DEK: variants seen among roughly 807,000 people sequenced by gnomAD.
DEK encodes the protein DEK proto-oncogene, also known as protein DEK.
A neutral mutation model predicts 46.8 loss-of-function variants in DEK; 28 were observed. The observed-to-expected ratio is 0.60, with a 90% CI of 0.44 to 0.82. The LOEUF (loss-of-function observed/expected upper bound fraction) is 0.82, where lower values mean the gene tolerates loss of function less well. DEK is among the 40% of genes least tolerant of loss of function. The pLI is 0.00. For missense variants in DEK, 416 were observed against 430.6 expected (o/e 0.97, Z 0.30); for synonymous variants, 160 against 144.5 (o/e 1.11, Z -0.77).
Position 18,225,719 on chromosome 6 carries a change from T to C in DEK, c.1128A>G (p.Ter376TrpextTer7). 1 of 1,613,378 alleles carries C rather than the reference T, an allele frequency of 6.2e-7. No individual in the cohort carries two copies. The change falls in exon 11 of 11, where the codon TGA (stop) becomes TGG (tryptophan). Residue 376 changes from the stop codon to tryptophan, a stop_lost. Transcript: ENST00000652689. ...IKTTVKELIS[*>W] The stretch of plus-strand genomic sequence containing the variant: ...CGAGTCATCTTCTCTGTCCTCTATC[T>C]CAAGAAATTAGCTGTAATGAAAGAG...
intron 2 of DEK, among the ~76,000 whole-genome samples, 199 bp from the exon 3 acceptor site, chr6:18,258,604 C>A (rs1036568906): frequency 6.6e-6 from 1 of 151,760 alleles, no homozygotes; most frequent in African/African-American, 2.4e-5. Context: ...TTCAGAGTAA[C>A]ATTTTACTCA....
chr6:18,237,061 A>T (rs187846254), intron 8 of DEK: 1 of 219,642 alleles, frequency 4.6e-6, no homozygotes, highest in East Asian at 1.2e-4. Context: ...CACTGCAATA[A>T]ATAATTTATT....
chr6:18,229,478 G>GA (rs887902902), intron 9 of DEK, among the ~76,000 whole-genome samples: 19 of 152,204 alleles, frequency 1.2e-4, no homozygotes, highest in African/African-American at 4.3e-4. Context: ...TAAAAACCTT[G>GA]AAAAAAGATG....
chr6:18,228,519 GGTGGGTACAGGACA>G (rs1294841047), intron 9 of DEK, among the ~76,000 whole-genome samples: 1 of 151,966 alleles, frequency 6.6e-6, no homozygotes, highest in Non-Finnish European at 1.5e-5. Context: ...CTTGTCGGAC[GGTGGGTACAGGACA>G]GTGGGTGCAG....
At chr6:18,246,238 AAAAG>A (rs1199967938) in intron 7 of DEK, among the ~76,000 whole-genome samples, 1 of 152,224 alleles carries the variant, frequency 6.6e-6, no homozygotes, top group Admixed American at 6.5e-5. Context: ...TCAAAAGAAA[AAAAG>A]AAAATCATCC....
At chr6:18,235,399 G>T (rs113338869) in intron 9 of DEK, among the ~76,000 whole-genome samples, 2,481 of 152,148 alleles carry the variant, frequency 0.016, 30 homozygotes, top group Middle Eastern at 0.041. Flanking sequence ...ATGTGTTATT[G>T]TTCCTCAACT....
intron 8 of DEK, chr6:18,237,002 G>A: frequency 5.3e-6 from 1 of 190,332 alleles, no homozygotes. Flanking sequence ...CAAGATAGGA[G>A]ACTCGCTTGA....
intron 9 of DEK, 93 bp from the exon 10 acceptor site, chr6:18,226,335 C>T (rs535678905): frequency 5.7e-6 from 6 of 1,057,482 alleles, no homozygotes; most frequent in African/African-American, 3.4e-5. Context: ...CTGCTACGTG[C>T]AAATAGCCAC....
chr6:18,261,002 A>G (rs1428032121), intron 2 of DEK, among the ~76,000 whole-genome samples: 1 of 150,370 alleles, frequency 6.7e-6, no homozygotes, highest in African/African-American at 2.4e-5. Context: ...AAAAAAAAAA[A>G]AGAAAGAAAA....
chr6:18,226,121 ATTAC>A (rs1451362572), intron 10 of DEK, 49 bp downstream of exon 10: 4 of 1,195,012 alleles, frequency 3.3e-6, no homozygotes, highest in Admixed American at 3.8e-5. Flanking sequence ...ATTTTATGTA[ATTAC>A]TTTTGTCTTA....
At chr6:18,261,559 G>A (rs1387150153) in intron 2 of DEK, among the ~76,000 whole-genome samples, 1 of 152,018 alleles carries the variant, frequency 6.6e-6, no homozygotes, top group Non-Finnish European at 1.5e-5. Context: ...CAACGAGAGC[G>A]AAACTCCGTT....
intron 9 of DEK, among the ~76,000 whole-genome samples, chr6:18,229,745 C>T (rs1790322760): frequency 6.6e-6 from 1 of 152,144 alleles, no homozygotes; most frequent in African/African-American, 2.4e-5. Flanking sequence ...ACCAAATCTA[C>T]ATCTGATTGG....
At chr6:18,233,032 G>A (rs566763252) in intron 9 of DEK, among the ~76,000 whole-genome samples, 3 of 151,902 alleles carry the variant, frequency 2.0e-5, no homozygotes, top group Admixed American at 2.0e-4. Context: ...CAGAGCCCTC[G>A]GAAATAATAC....
intron 7 of DEK, among the ~76,000 whole-genome samples, chr6:18,247,624 C>T (rs111671289): frequency 4.6e-5 from 7 of 151,988 alleles, no homozygotes; most frequent in African/African-American, 1.4e-4. Context: ...CTCTACAGAA[C>T]TATGGGACAA....
At chr6:18,255,281 A>G (rs756296005) in intron 6 of DEK, among the ~76,000 whole-genome samples, 1 of 152,148 alleles carries the variant, frequency 6.6e-6, no homozygotes, top group Non-Finnish European at 1.5e-5. Flanking sequence ...AACTTGTAAG[A>G]GTTAGCTTTT....
At chr6:18,232,875 G>T (rs896899346) in intron 9 of DEK, among the ~76,000 whole-genome samples, 3 of 152,126 alleles carry the variant, frequency 2.0e-5, no homozygotes, top group Non-Finnish European at 4.4e-5. Context: ...AATCAAAAAA[G>T]AGCCCGCATT....
At chr6:18,243,567 C>CT (rs374260885) in intron 7 of DEK, among the ~76,000 whole-genome samples, 43 of 152,302 alleles carry the variant, frequency 2.8e-4, no homozygotes, top group African/African-American at 9.4e-4. Flanking sequence ...TGTTCCTTAT[C>CT]TTTGTTCACA....
intron 9 of DEK, among the ~76,000 whole-genome samples, chr6:18,235,824 A>G (rs1790623418): frequency 6.6e-6 from 1 of 152,230 alleles, no homozygotes; most frequent in Non-Finnish European, 1.5e-5. Flanking sequence ...CCTGAAATGT[A>G]GTAGAGAATC....
chr6:18,258,604 C>T (rs1036568906), intron 2 of DEK, among the ~76,000 whole-genome samples, 199 bp from the exon 3 acceptor site: 3 of 151,760 alleles, frequency 2.0e-5, no homozygotes, highest in Non-Finnish European at 2.9e-5. Flanking sequence ...TTCAGAGTAA[C>T]ATTTTACTCA....
Sources: allele counts gnomAD v4.1 joint callset (sites outside exome capture counted in the v4.1 genomes callset), GRCh38; gene constraint gnomAD v4.1.1; transcripts MANE v1.5; gene names NCBI Gene and HGNC (gene_info 2026-07-23, HGNC 2026-07-21).